LPP: variants seen among roughly 807,000 people sequenced by gnomAD.
The protein encoded by LPP is lipoma-preferred partner.
LPP carries 38 observed loss-of-function variants against 60.4 expected under a neutral mutation model. The ratio of observed to expected loss-of-function variants is 0.63; its 90% CI spans 0.49 to 0.83. The LOEUF (loss-of-function observed/expected upper bound fraction) is 0.83. LPP is among the 40% of genes least tolerant of loss of function. The pLI is 0.00. For missense variants in LPP, 902 were observed against 783.6 expected (o/e 1.15, Z -1.80); for synonymous variants, 328 against 290.8 (o/e 1.13, Z -1.30).
intron 1 of LPP, among the ~76,000 whole-genome samples, chr3:188,220,083 A>G (rs1220677448): frequency 6.6e-6 from 1 of 152,012 alleles, no homozygotes; most frequent in Non-Finnish European, 1.5e-5. Flanking sequence ...ATACTTCCTC[A>G]CTGTCAGTTA....
chr3:188,264,604 G>C (rs186157022), intron 2 of LPP, among the ~76,000 whole-genome samples: 7 of 152,254 alleles, frequency 4.6e-5, no homozygotes, highest in Admixed American at 3.9e-4. Context: ...GAGAAAGAAA[G>C]TGAAAATTGT....
At position 188,347,603 on chromosome 3, in the gene LPP, C is replaced by A. The variant is rs150635078; in HGVS notation, c.-10+5884C>A. Among the ~76,000 whole-genome samples the A allele has an allele frequency of 4.1e-4, 63 of 152,242 alleles. No individual in the cohort carries two copies. In the East Asian group the frequency reaches 0.011, roughly 27 times the overall value. On this transcript the variant is annotated intron_variant, in intron 3 of 11. Coordinates refer to ENST00000617246, the MANE Select transcript of LPP (RefSeq NM_001375462.1). ...GTTCCCCTCCTCCCGGCCTACCCCC[C>A]CATTATATTGAGCTTGAGACTTTTA...
At chr3:188,835,025 G>A (rs183317223) in intron 9 of LPP, among the ~76,000 whole-genome samples, 5 of 152,260 alleles carry the variant, frequency 3.3e-5, no homozygotes, top group Admixed American at 3.3e-4. Flanking sequence ...CTACCTAGTA[G>A]TGTATTTTCC....
intron 2 of LPP, among the ~76,000 whole-genome samples, chr3:188,296,382 T>C (rs970292983): frequency 6.6e-6 from 1 of 151,858 alleles, no homozygotes; most frequent in Admixed American, 6.6e-5. Flanking sequence ...GAGGTTAGGG[T>C]AGGAAGAGGT....
At chr3:188,688,511 G>A (rs990399795) in intron 7 of LPP, among the ~76,000 whole-genome samples, 1 of 152,196 alleles carries the variant, frequency 6.6e-6, no homozygotes, top group Non-Finnish European at 1.5e-5. Flanking sequence ...TTGGAAGATG[G>A]AAGTGTGGTA....
At chr3:188,296,516 T>C (rs77974102) in intron 2 of LPP, among the ~76,000 whole-genome samples, 139 of 152,326 alleles carry the variant, frequency 9.1e-4, no homozygotes, top group African/African-American at 3.0e-3. Flanking sequence ...TTTAGGAGGC[T>C]GATTGAAACT....
intron 2 of LPP, among the ~76,000 whole-genome samples, chr3:188,315,746 G>A (rs1754840668): frequency 1.3e-5 from 2 of 152,126 alleles, no homozygotes; most frequent in South Asian, 4.2e-4. Flanking sequence ...ATGCTTTTGT[G>A]TGAATAAATA....
intron 9 of LPP, among the ~76,000 whole-genome samples, chr3:188,807,863 T>G (rs1358822415): frequency 6.6e-6 from 1 of 152,210 alleles, no homozygotes; most frequent in Admixed American, 6.5e-5. Context: ...TATTTCTGTT[T>G]GTTGCTTTGT....
At chr3:188,475,547 A>G (rs563045821) in intron 4 of LPP, among the ~76,000 whole-genome samples, 1 of 152,308 alleles carries the variant, frequency 6.6e-6, no homozygotes, top group Non-Finnish European at 1.5e-5. Context: ...ACAGGCCTAT[A>G]TAAAATTGGG....
At chr3:188,325,958 C>T (rs543424111) in intron 2 of LPP, among the ~76,000 whole-genome samples, 1 of 152,210 alleles carries the variant, frequency 6.6e-6, no homozygotes, top group South Asian at 2.1e-4. Context: ...GAGTCTCTCT[C>T]ATTCTTTTTC....
chr3:188,293,869 A>C (rs1235663005), intron 2 of LPP, among the ~76,000 whole-genome samples: 2 of 152,022 alleles, frequency 1.3e-5, no homozygotes, highest in Non-Finnish European at 1.5e-5. Flanking sequence ...GTTCGAGACC[A>C]GTCTGGACAA....
At chr3:188,578,921 A>C (rs1339359044) in intron 6 of LPP, among the ~76,000 whole-genome samples, 2 of 152,186 alleles carry the variant, frequency 1.3e-5, no homozygotes, top group Non-Finnish European at 2.9e-5. Flanking sequence ...TTAATGTTAT[A>C]AATGGTCATT....
chr3:188,735,365 TA>T (rs1722114523), intron 8 of LPP, among the ~76,000 whole-genome samples: 1 of 150,924 alleles, frequency 6.6e-6, no homozygotes, highest in Admixed American at 6.6e-5. Flanking sequence ...ATAAATAAAA[TA>T]AAAATTTTAT....
intron 1 of LPP, among the ~76,000 whole-genome samples, chr3:188,189,780 C>T (rs1465869994): frequency 6.6e-6 from 1 of 152,126 alleles, no homozygotes; most frequent in African/African-American, 2.4e-5. Context: ...GTGAGCTCTG[C>T]CAGGGTCCTT....
intron 7 of LPP, among the ~76,000 whole-genome samples, chr3:188,707,625 T>G (rs1865744423): frequency 6.6e-6 from 1 of 152,252 alleles, no homozygotes; most frequent in Admixed American, 6.5e-5. Flanking sequence ...AAATGTTCGC[T>G]TTCTGGACTC....
intron 3 of LPP, among the ~76,000 whole-genome samples, chr3:188,397,738 C>G (rs770366607): frequency 6.6e-5 from 10 of 152,068 alleles, no homozygotes; most frequent in Admixed American, 3.3e-4. Flanking sequence ...CTTAGCCTCC[C>G]AAGTAGCTGG....
At chr3:188,857,453 A>G (rs532683652) in intron 9 of LPP, among the ~76,000 whole-genome samples, 2 of 152,370 alleles carry the variant, frequency 1.3e-5, no homozygotes, top group South Asian at 4.1e-4. Context: ...AATGCGGAAA[A>G]GAATTCTACC....
chr3:188,519,671 G>A (rs1818343841), intron 5 of LPP, among the ~76,000 whole-genome samples: 1 of 152,020 alleles, frequency 6.6e-6, no homozygotes, highest in African/African-American at 2.4e-5. Context: ...GATGTCGGGG[G>A]GTGGTTTTGC....
chr3:188,629,458 A>G (rs1014713438), intron 7 of LPP, among the ~76,000 whole-genome samples: 2 of 152,094 alleles, frequency 1.3e-5, no homozygotes, highest in African/African-American at 4.8e-5. Context: ...CAGGAACACA[A>G]TCCCATTCAC....
Sources: gnomAD v4.1 joint callset for allele counts (sites outside exome capture counted in the v4.1 genomes callset) on GRCh38, gnomAD v4.1.1 for gene constraint, MANE v1.5 for transcripts, NCBI Gene and HGNC (gene_info 2026-07-23, HGNC 2026-07-21) for gene names.